The following CDH2 variants were observed in gnomAD, a reference collection of about 807,000 sequenced individuals.
CDH2 encodes cadherin 2.
CDH2 carries 17 observed loss-of-function variants against 92.0 expected under a neutral mutation model. The observed-to-expected ratio is 0.18, with a 90% CI of 0.13 to 0.28. The LOEUF (loss-of-function observed/expected upper bound fraction) is 0.28. CDH2 is among the 10% of genes least tolerant of loss of function. The pLI is 1.00. For synonymous variants in CDH2, 419 were observed against 415.9 expected (o/e 1.01, Z -0.09); for missense variants, 862 against 1,133.1 (o/e 0.76, Z 3.44).
chr18:28,036,726 C>T, intron 2 of CDH2: 1 of 592,946 alleles, frequency 1.7e-6, no homozygotes, highest in Non-Finnish European at 3.0e-6. Context: ...AAACAGAGCC[C>T]TTATTACATC....
chr18:28,125,583 G>A lies in CDH2; in HGVS notation c.172+22090C>T, dbSNP rs569934967. ...CATGTTTTACATGTAAACATTAAGC[G>A]TAAATTCACTTGATTTAAGAAAATG... On this transcript the variant is annotated intron_variant, in intron 2 of 15. Transcript: ENST00000269141. Among the ~76,000 whole-genome samples, 15 of 152,154 alleles carry A rather than the reference G, an allele frequency of 9.9e-5. No individual in the cohort carries two copies. In the South Asian group the frequency reaches 1.4e-3, roughly 15 times the overall value.
chr18:27,978,826 A>AT (rs138815821), intron 14 of CDH2, among the ~76,000 whole-genome samples: 77 of 147,036 alleles, frequency 5.2e-4, no homozygotes, highest in South Asian at 1.7e-3. Context: ...TTAATTAACA[A>AT]TTTTTTTTTT....
chr18:28,074,731 T>C (rs2014686590), intron 2 of CDH2, among the ~76,000 whole-genome samples: 1 of 151,904 alleles, frequency 6.6e-6, no homozygotes, highest in Admixed American at 6.6e-5. Context: ...TATTCATCTT[T>C]GTTGAACAGC....
At chr18:28,088,616 C>G (rs1001396677) in intron 2 of CDH2, among the ~76,000 whole-genome samples, 1 of 151,994 alleles carries the variant, frequency 6.6e-6, no homozygotes. Flanking sequence ...TAAGTCTGTC[C>G]GAGAGGCATC....
At chr18:28,036,553 T>A (rs1470492365) in intron 2 of CDH2, 1 of 1,597,186 alleles carries the variant, frequency 6.3e-7, no homozygotes, top group Non-Finnish European at 8.6e-7. Flanking sequence ...AAACATGCCA[T>A]CAAGTTTCCA....
intron 6 of CDH2, among the ~76,000 whole-genome samples, chr18:28,004,682 T>C (rs1453186800): frequency 1.3e-5 from 2 of 152,224 alleles, no homozygotes; most frequent in African/African-American, 4.8e-5. Context: ...TTTGGAAGAT[T>C]TGTCTAAGAC....
rs527446368 is a variant in CDH2, at chr18:28,025,526, AT to A, written c.173-11618del. ...GAGCGAGACTGTCTCCAGAAAAAAA[AT>A]AATAATAATAATAAAAATAATAAGC... On this transcript the variant is annotated intron_variant, in intron 2 of 15. Transcript: ENST00000269141. 4.5e-3 allele frequency among the ~76,000 whole-genome samples: 668 copies of A among 149,706 alleles called. 6 individuals are homozygous for A. The South Asian group carries it at 0.047, about 11-fold the overall frequency.
At chr18:27,941,348 T>G (rs1909135899) in intron 6 of CDH2, among the ~76,000 whole-genome samples, 1 of 152,174 alleles carries the variant, frequency 6.6e-6, no homozygotes, top group Non-Finnish European at 1.5e-5. Flanking sequence ...TCCCACCTTT[T>G]TTATGATACA....
In CDH2 at chr18:28,024,387, A is replaced by G. The variant is rs1207542321; in HGVS notation, c.173-10478T>C. On this transcript the variant is annotated intron_variant, in intron 2 of 15. Transcript: ENST00000269141. ...TAGAAATGAAATCTTAAGACAAAAC[A>G]GATTGTAGGCATGTACAAATCTAGA... is the stretch of plus-strand genomic sequence containing the variant. 7.3e-5 allele frequency among the ~76,000 whole-genome samples: 11 copies of G among 151,458 alleles called. No homozygotes were observed. The East Asian group carries it at 2.1e-3, about 29-fold the overall frequency.
chr18:28,070,518 A>G (rs1244723038), intron 2 of CDH2, among the ~76,000 whole-genome samples: 1 of 152,144 alleles, frequency 6.6e-6, no homozygotes, highest in East Asian at 1.9e-4. Flanking sequence ...CAAAAAGGAG[A>G]CAGGGAGAGG....
At chr18:28,038,426 T>TGTGC (rs1213288650) in intron 2 of CDH2, among the ~76,000 whole-genome samples, 1 of 69,256 alleles carries the variant, frequency 1.4e-5, no homozygotes, top group East Asian at 4.7e-4. Flanking sequence ...GTCTCAAGTG[T>TGTGC]GTGTGTGTGT....
chr18:28,053,711 A>T (rs1290213188), intron 2 of CDH2, among the ~76,000 whole-genome samples: 1 of 152,232 alleles, frequency 6.6e-6, no homozygotes, highest in African/African-American at 2.4e-5. Flanking sequence ...CAAGATTCAT[A>T]AATATAAACG....
intron 2 of CDH2, among the ~76,000 whole-genome samples, chr18:28,130,675 G>A (rs907875778): frequency 2.6e-5 from 4 of 152,296 alleles, no homozygotes; most frequent in South Asian, 2.1e-4. Context: ...GGAGCCCTGC[G>A]GGAGAGGATT....
At chr18:27,939,239 C>T (rs929765554) in intron 6 of CDH2, among the ~76,000 whole-genome samples, 1 of 152,030 alleles carries the variant, frequency 6.6e-6, no homozygotes, top group African/African-American at 2.4e-5. Flanking sequence ...TGTGGGTAAA[C>T]CCTGGGAGTC....
chr18:28,170,980 G>C (rs1459082858), intron 1 of CDH2, among the ~76,000 whole-genome samples: 1 of 150,894 alleles, frequency 6.6e-6, no homozygotes, highest in Non-Finnish European at 1.5e-5. Flanking sequence ...TGTAATCCGA[G>C]CACTTCGGGA....
intron 15 of CDH2, among the ~76,000 whole-genome samples, chr18:27,960,007 C>T (rs1004432486): frequency 2.5e-5 from 3 of 118,132 alleles, no homozygotes; most frequent in Non-Finnish European, 5.3e-5. Context: ...AGAGAGAGAC[C>T]CTGTCTCTTA....
At chr18:27,990,037 T>C in intron 10 of CDH2, 60 bp downstream of exon 10, 1 of 1,438,964 alleles carries the variant, frequency 6.9e-7, no homozygotes, top group South Asian at 1.3e-5. Flanking sequence ...ATTAGATAAA[T>C]TTTATGCACA....
chr18:28,071,894 C>T (rs868813176), intron 2 of CDH2, among the ~76,000 whole-genome samples: 1 of 151,972 alleles, frequency 6.6e-6, no homozygotes, highest in Non-Finnish European at 1.5e-5. Flanking sequence ...AAAAAAATGA[C>T]GAGGTTTATG....
intron 2 of CDH2, among the ~76,000 whole-genome samples, chr18:28,096,507 T>C (rs987507332): frequency 1.1e-4 from 16 of 151,070 alleles, no homozygotes; most frequent in African/African-American, 3.9e-4. Flanking sequence ...TGAAAATACA[T>C]AACAACAAAA....
Sources: allele counts gnomAD v4.1 joint callset (sites outside exome capture counted in the v4.1 genomes callset), GRCh38; gene constraint gnomAD v4.1.1; transcripts MANE v1.5; gene names NCBI Gene and HGNC (gene_info 2026-07-23, HGNC 2026-07-21).